HDAC8: variants seen among roughly 807,000 people sequenced by gnomAD.
HDAC8 encodes histone deacetylase-like 1.
A neutral mutation model predicts 32.2 loss-of-function variants in HDAC8; 1 was observed. That is an observed-to-expected ratio of 0.03 (90% CI 0.01 to 0.15). HDAC8 has a LOEUF of 0.15. HDAC8 is among the 10% of genes least tolerant of loss of function. HDAC8 has a pLI of 1.00. For synonymous variants in HDAC8, 108 were observed against 113.9 expected, an observed-to-expected ratio of 0.95 and a Z score of 0.33; for missense variants, 117 against 300.0, an observed-to-expected ratio of 0.39 and a Z score of 4.51.
chrX:72,561,870 G>A (rs1556120797), intron 4 of HDAC8, among the ~76,000 whole-genome samples: 1 of 111,314 alleles, frequency 9.0e-6, no homozygotes, highest in Non-Finnish European at 1.9e-5. Context: ...GTGAGCTAAG[G>A]ACATGAATAG....
chrX:72,387,397 C>T (rs1470270171), intron 9 of HDAC8, among the ~76,000 whole-genome samples: 1 of 112,336 alleles, frequency 8.9e-6, no homozygotes, highest in Non-Finnish European at 1.9e-5. Context: ...GTTTCTGTAG[C>T]TCTCTTCCTG....
chrX:72,424,377 C>G (rs1423043783), intron 9 of HDAC8, among the ~76,000 whole-genome samples: 13 of 111,359 alleles, frequency 1.2e-4, no homozygotes, highest in Admixed American at 1.0e-3. Flanking sequence ...GACAGATTTT[C>G]TTTAATTATT....
chrX:72,532,373 C>T (rs952389231), intron 4 of HDAC8, among the ~76,000 whole-genome samples: 46 of 105,354 alleles, frequency 4.4e-4, no homozygotes, highest in Admixed American at 4.3e-4. Context: ...GGATTACAGG[C>T]GTAAGCCATT....
At chrX:72,404,485 C>A (rs1227915400) in intron 9 of HDAC8, among the ~76,000 whole-genome samples, 1 of 111,043 alleles carries the variant, frequency 9.0e-6, no homozygotes, top group Non-Finnish European at 1.9e-5. Context: ...ATATCACCCA[C>A]ATGCTTAACT....
chrX:72,509,096 C>T (rs60546280), intron 4 of HDAC8, among the ~76,000 whole-genome samples: 4,107 of 107,553 alleles, frequency 0.038, 200 homozygotes, highest in African/African-American at 0.14. Context: ...AAGATCTACC[C>T]TCTTATCAAT....
chrX:72,534,316 T>TA (rs201131784), intron 4 of HDAC8, among the ~76,000 whole-genome samples: 953 of 83,163 alleles, frequency 0.011, 13 homozygotes, highest in African/African-American at 0.048. Context: ...TATATATATA[T>TA]TTTTTTTTTT....
At chrX:72,469,150 T>G (rs2048099926) in intron 7 of HDAC8, among the ~76,000 whole-genome samples, 2 of 43,604 alleles carry the variant, frequency 4.6e-5, no homozygotes, top group Admixed American at 4.8e-4. Flanking sequence ...TATTCCCTAG[T>G]TTTTTTTTTC....
chrX:72,377,031 G>A (rs1343527257), intron 9 of HDAC8: 2 of 110,454 alleles, frequency 1.8e-5, no homozygotes, highest in Admixed American at 9.7e-5. Context: ...TGCATGGAGT[G>A]GAGGAAACTA....
chrX:72,341,676 G>A (rs1376743142), intron 10 of HDAC8, among the ~76,000 whole-genome samples: 1 of 111,735 alleles, frequency 8.9e-6, no homozygotes, highest in Non-Finnish European at 1.9e-5. Context: ...ACCTATGAAA[G>A]TAGATTAAGA....
chrX:72,440,814 C>T (rs782602625), intron 9 of HDAC8, among the ~76,000 whole-genome samples: 66 of 112,236 alleles, frequency 5.9e-4, no homozygotes, highest in African/African-American at 1.9e-3. Context: ...CCTGGAAAAT[C>T]GGGTCATTCC....
rs180903507 is a variant in HDAC8, at chrX:72,408,049, A to G, written c.1005+53955T>C. Among the ~76,000 whole-genome samples, 4 of 112,317 alleles carry G rather than the reference A, an allele frequency of 3.6e-5. No individual in the cohort carries two copies. The East Asian group carries it at 8.4e-4, about 24-fold the overall frequency. ...ATTCATTTGTTTGACCAATATAAAT[A>G]TATACTGAGTGTTTATCATGCTCCA... On this transcript the variant is annotated intron_variant, in intron 9 of 10. Transcript: ENST00000373573.
At chrX:72,485,302 T>C (rs1389585041) in intron 7 of HDAC8, among the ~76,000 whole-genome samples, 1 of 111,753 alleles carries the variant, frequency 8.9e-6, no homozygotes, top group Non-Finnish European at 1.9e-5. Flanking sequence ...CCCTTGCCCT[T>C]AGAATTGAAT....
At chrX:72,354,509 C>G (rs1292377310) in intron 9 of HDAC8, among the ~76,000 whole-genome samples, 18 of 112,365 alleles carry the variant, frequency 1.6e-4, no homozygotes, top group Non-Finnish European at 3.4e-4. Context: ...AGCCATATAG[C>G]TAATTGTGTG....
At chrX:72,453,244 G>T (rs1378121725) in intron 9 of HDAC8, among the ~76,000 whole-genome samples, 2 of 108,856 alleles carry the variant, frequency 1.8e-5, no homozygotes, top group African/African-American at 6.7e-5. Flanking sequence ...CCCAGGAGTG[G>T]CAGATCAGCC....
At chrX:72,531,225 C>G (rs2050327512) in intron 4 of HDAC8, among the ~76,000 whole-genome samples, 1 of 111,887 alleles carries the variant, frequency 8.9e-6, no homozygotes, top group Non-Finnish European at 1.9e-5. Context: ...AAAGCACCCC[C>G]AATAGAAAAT....
Position 72,330,059 on chromosome X carries a change from C to G in HDAC8, c.1129G>C (p.Val377Leu), listed in dbSNP as rs1555939750. ...ACCTGATCTCTTTCTGTCAACTAGA[C>G]CACATGCTTCAGATTCCCTGCAAAC... ...NYIKGNLKHVV is the reference protein window; with the variant it reads ...NYIKGNLKHVL Residue 377 changes from valine to leucine, a missense_variant, in exon 11 of 11, where the codon GTC becomes CTC. Physicochemically the swap from Val to Leu is conservative, Grantham distance 32. Around this residue, in one of 4 missense-constraint regions of HDAC8, gnomAD observed 18 missense variants for 25.7 expected, o/e 0.70. Coordinates refer to ENST00000373573, the MANE Select transcript of HDAC8 (RefSeq NM_018486.3). 1 of 1,206,394 alleles carries G rather than the reference C, an allele frequency of 8.3e-7. No homozygotes were observed. The highest frequency in any genetic ancestry group is 3.0e-5 in the East Asian group (1 of 33,769).
At chrX:72,364,726 G>T (rs781967140) in intron 9 of HDAC8, among the ~76,000 whole-genome samples, 1 of 110,784 alleles carries the variant, frequency 9.0e-6, no homozygotes, top group Admixed American at 9.6e-5. Flanking sequence ...CAAAATACCC[G>T]AAATAATGGG....
intron 4 of HDAC8, among the ~76,000 whole-genome samples, chrX:72,501,544 G>T (rs1458706627): frequency 8.9e-6 from 1 of 111,839 alleles, no homozygotes; most frequent in Non-Finnish European, 1.9e-5. Context: ...TTAGTAAATG[G>T]TACTGGGATA....
At chrX:72,343,197 T>A (rs1432243684) in intron 10 of HDAC8, among the ~76,000 whole-genome samples, 1 of 109,296 alleles carries the variant, frequency 9.1e-6, no homozygotes, top group Non-Finnish European at 1.9e-5. Flanking sequence ...TAAGACAGGG[T>A]CTCACTCTAT....
Sources: gnomAD v4.1 joint callset for allele counts (sites outside exome capture counted in the v4.1 genomes callset) on GRCh38, gnomAD v4.1.1 for gene constraint, gnomAD v4.1.1 regional missense constraint, MANE v1.5 for transcripts, NCBI Gene and HGNC (gene_info 2026-07-23, HGNC 2026-07-21) for gene names.